The following TSGA13 variants were observed in gnomAD, a reference collection of about 807,000 sequenced individuals.
TSGA13 encodes testis-specific gene 13 protein.
A neutral mutation model predicts 35.1 loss-of-function variants in TSGA13; 37 were observed. That is an observed-to-expected ratio of 1.05 (90% CI 0.81 to 1.39). The LOEUF is 1.39. Ranked by LOEUF, TSGA13 falls within the 40% of genes most tolerant of loss-of-function variation. TSGA13 has a pLI of 0.00. For synonymous variants in TSGA13, 124 were observed against 121.2 expected (o/e 1.02, Z -0.15); for missense variants, 338 against 328.5 (o/e 1.03, Z -0.22).
intron 3 of TSGA13, among the ~76,000 whole-genome samples, chr7:130,682,145 A>C (rs1796562409): frequency 6.6e-6 from 1 of 150,822 alleles, no homozygotes; most frequent in Non-Finnish European, 1.5e-5. Context: ...TTTGCTACTG[A>C]GTCTCGCTCT....
chr7:130,670,159 T>A (rs1796225931), intron 7 of TSGA13, among the ~76,000 whole-genome samples: 1 of 152,238 alleles, frequency 6.6e-6, no homozygotes, highest in Admixed American at 6.5e-5. Flanking sequence ...TACCACAGGT[T>A]GTTTTTAGCT....
In TSGA13 at chr7:130,668,704, C is replaced by T. The variant is rs782522378; in HGVS notation, c.*310G>A. 10 of 1,515,292 alleles carry T rather than the reference C, an allele frequency of 6.6e-6. No individual in the cohort carries two copies. The African/African-American group carries it at 1.3e-4, about 20-fold the overall frequency. The allele number at this position is 1,515,292 out of a possible 1,614,324, so 93.9% of individuals were successfully genotyped here. Reference sequence around the variant, plus strand: ...TTCCCAGCGCCCAGACCCACCGCAACCGTCCCAGGCGCCGCAGCCGGCGAG... The same window carrying T: ...TTCCCAGCGCCCAGACCCACCGCAATCGTCCCAGGCGCCGCAGCCGGCGAG... On this transcript the variant is annotated 3_prime_UTR_variant, in exon 8 of 8. Coordinates refer to ENST00000356588, the MANE Select transcript of TSGA13 (RefSeq NM_052933.4).
chr7:130,678,011 T>C (rs546709415), intron 5 of TSGA13, among the ~76,000 whole-genome samples: 24 of 152,362 alleles, frequency 1.6e-4, no homozygotes, highest in Admixed American at 7.2e-4. Flanking sequence ...GGTTTTTAGC[T>C]TACTGTATCC....
In TSGA13 at chr7:130,673,921, C is replaced by T. The variant is rs545081949; in HGVS notation, c.388-1045G>A. ...CAGCCTGACCAACATGGTGAAACCCCGTCTCTACTAAAAATACAAAAAAAT... is the reference window on the plus strand; with the variant it reads ...CAGCCTGACCAACATGGTGAAACCCTGTCTCTACTAAAAATACAAAAAAAT... On this transcript the variant is annotated intron_variant, in intron 5 of 7. Transcript: ENST00000356588. Among the ~76,000 whole-genome samples, 17 of 151,906 alleles carry T rather than the reference C, an allele frequency of 1.1e-4. No homozygotes were observed. In the South Asian group the frequency reaches 2.1e-3, roughly 19 times the overall value.
At chr7:130,679,044 A>T (rs1202610809) in intron 5 of TSGA13, 111 bp downstream of exon 5, 1 of 931,400 alleles carries the variant, frequency 1.1e-6, no homozygotes, top group Admixed American at 2.3e-5. Context: ...CAAACAAAAA[A>T]ATTAAGAGGT....
chr7:130,668,949 G>A lies in TSGA13; in HGVS notation c.*65C>T. On this transcript the variant is annotated 3_prime_UTR_variant, in exon 8 of 8. Transcript: ENST00000356588. ...AGCAGCAGGAATGTGGTTTTATTTG[G>A]GTGGCGACTTCTGCGGACCCCTCAG... The A allele has an allele frequency of 6.4e-7, 1 of 1,563,782 alleles. No homozygotes were observed. The highest frequency in any genetic ancestry group is 8.7e-7 in the Non-Finnish European group (1 of 1,154,824).
In TSGA13 at chr7:130,679,161, C is replaced by T. The variant is rs782105143; in HGVS notation, c.381G>A (p.Lys127=). ...CCAGGAGACTTCTGCTTACCATGAC[C>T]TTGAGCAGTAACTCCTTGGAAAAAT... is the stretch of plus-strand genomic sequence containing the variant. The part of the protein sequence containing the change: ...SKYFSKELLL[K]VMESHHQHKP... The change falls in exon 5 of 8, where the codon AAG becomes AAA. Residue 127 remains lysine, a synonymous_variant. Coordinates refer to ENST00000356588, the MANE Select transcript of TSGA13 (RefSeq NM_052933.4). 6.2e-7 allele frequency: 1 copy of T among 1,613,788 alleles called. No individual in the cohort carries two copies. Among genetic ancestry groups the T allele is most frequent in the Admixed American group, 1.7e-5 (1 of 60,026 alleles).
At position 130,672,725 on chromosome 7, in the gene TSGA13, A is replaced by G; in HGVS notation, c.530+9T>C. ...AAGAAAGCAAGTACAAGAAGAAGCA[A>G]GATTTCACCTAAACCATTGTTCTCG... is the stretch of plus-strand genomic sequence containing the variant. On this transcript the variant is annotated intron_variant, in intron 6 of 7. Coordinates refer to ENST00000356588, the MANE Select transcript of TSGA13 (RefSeq NM_052933.4). 2 of 1,610,100 alleles carry G rather than the reference A, an allele frequency of 1.2e-6. No individual in the cohort carries two copies. Among genetic ancestry groups the G allele is most frequent in the Non-Finnish European group, 1.7e-6 (2 of 1,178,198 alleles).
At chr7:130,687,284 T>C (rs1489372605), upstream of TSGA13, 1 of 152,240 alleles carries the variant, frequency 6.6e-6, no homozygotes, top group African/African-American at 2.4e-5. Flanking sequence ...GTTTTGTGCA[T>C]GTCATTGTAT....
chr7:130,680,718 G>A (rs1398395016), intron 4 of TSGA13, among the ~76,000 whole-genome samples: 1 of 152,032 alleles, frequency 6.6e-6, no homozygotes, highest in South Asian at 2.1e-4. Context: ...AAAATCAGCT[G>A]TGGGGACCCA....
chr7:130,683,541 C>A, intron 3 of TSGA13, 53 bp downstream of exon 3: 1 of 1,531,012 alleles, frequency 6.5e-7, no homozygotes, highest in Non-Finnish European at 9.0e-7. Context: ...ATTAAGTACA[C>A]TAAGCAGCTC....
intron 5 of TSGA13, among the ~76,000 whole-genome samples, chr7:130,673,466 A>G (rs1387684384): frequency 3.9e-5 from 6 of 152,222 alleles, no homozygotes; most frequent in Admixed American, 2.6e-4. Context: ...TACCTAAAAA[A>G]AAAAAGATTT....
At chr7:130,678,214 TA>T (rs371942914) in intron 5 of TSGA13, among the ~76,000 whole-genome samples, 4 of 151,942 alleles carry the variant, frequency 2.6e-5, no homozygotes, top group Non-Finnish European at 2.9e-5. Context: ...CCGTCTCTAC[TA>T]AAAAATACAA....
chr7:130,668,947 T>C lies in TSGA13; in HGVS notation c.*67A>G. ...GCAGCAGCAGGAATGTGGTTTTATT[T>C]GGGTGGCGACTTCTGCGGACCCCTC... On this transcript the variant is annotated 3_prime_UTR_variant, in exon 8 of 8. Transcript: ENST00000356588. The C allele has an allele frequency of 6.4e-7, 1 of 1,562,114 alleles. No individual in the cohort carries two copies. Among genetic ancestry groups the C allele is most frequent in the Non-Finnish European group, 8.7e-7 (1 of 1,154,650 alleles).
rs924607034 is a variant in TSGA13 at position 130,686,530 on chromosome 7, T to A, written c.-419A>T. 1.3e-5 allele frequency: 2 copies of A among 152,080 alleles called. No homozygotes were observed. The highest frequency in any genetic ancestry group is 6.6e-5 in the Admixed American group (1 of 15,258). 9.4% of individuals were successfully genotyped at this position (152,080 alleles called of 1,614,324 possible). ...TTCCATTTTGAAAATATCGTAATTA[T>A]TCTTTTCTGGATTCTGGAGGAGACA... On this transcript the variant is annotated 5_prime_UTR_variant, in exon 1 of 8. Transcript: ENST00000356588.
chr7:130,671,255 T>C (rs1312088037), intron 7 of TSGA13, among the ~76,000 whole-genome samples: 1 of 152,190 alleles, frequency 6.6e-6, no homozygotes, highest in Non-Finnish European at 1.5e-5. Flanking sequence ...TTCATTATTA[T>C]AAATTTGATA....
rs782039727 is a variant in TSGA13, at chr7:130,685,245, G to T, written c.-35C>A. 4.3e-6 allele frequency: 7 copies of T among 1,611,902 alleles called. No individual in the cohort carries two copies. Among genetic ancestry groups the T allele is most frequent in the Admixed American group, 1.7e-5 (1 of 60,004 alleles). The stretch of plus-strand genomic sequence containing the variant: ...CTGCTAGTTGGCCAACCCAAGGCAG[G>T]TATTCACCCAAGGCCAAATTCAGGT... On this transcript the variant is annotated 5_prime_UTR_variant, in exon 2 of 8. Coordinates refer to ENST00000356588, the MANE Select transcript of TSGA13 (RefSeq NM_052933.4).
chr7:130,684,986 C>A (rs1554465539), intron 2 of TSGA13, among the ~76,000 whole-genome samples: 1 of 152,152 alleles, frequency 6.6e-6, no homozygotes, highest in Non-Finnish European at 1.5e-5. Context: ...CCATCTGGAA[C>A]AAGCTGGTGC....
chr7:130,668,869 C>G lies in TSGA13; in HGVS notation c.*145G>C, dbSNP rs1022800422. ...CACGCCCCCTTCTCCTCTTGCGGCC[C>G]GCCGGAGACTTCGGCTCGACCCTCC... On this transcript the variant is annotated 3_prime_UTR_variant, in exon 8 of 8. Coordinates refer to ENST00000356588, the MANE Select transcript of TSGA13 (RefSeq NM_052933.4). The G allele has an allele frequency of 7.2e-7, 1 of 1,380,488 alleles. No individual in the cohort carries two copies. The highest frequency in any genetic ancestry group is 9.8e-7 in the Non-Finnish European group (1 of 1,023,684). 85.5% of individuals were successfully genotyped at this position (1,380,488 alleles called of 1,614,324 possible).
Sources: gnomAD v4.1 joint callset for allele counts (sites outside exome capture counted in the v4.1 genomes callset) on GRCh38, gnomAD v4.1.1 for gene constraint, MANE v1.5 for transcripts, NCBI Gene and HGNC (gene_info 2026-07-23, HGNC 2026-07-21) for gene names.